Variants in MICAL3 observed in about 807,000 individuals in gnomAD.
MICAL3 encodes microtubule associated monooxygenase, calponin and LIM domain containing 3, also known as [F-actin]-monooxygenase MICAL3.
MICAL3 carries 62 observed loss-of-function variants against 207.4 expected under a neutral mutation model. That is an observed-to-expected ratio of 0.30 (90% CI 0.24 to 0.37). The LOEUF is 0.37. MICAL3 is among the 10% of genes least tolerant of loss of function. The pLI is 1.00. For synonymous variants in MICAL3, 1,077 were observed against 1,069.3 expected, an observed-to-expected ratio of 1.01 and a Z score of -0.14; for missense variants, 2,368 against 2,635.6, an observed-to-expected ratio of 0.90 and a Z score of 2.22.
At chr22:17,879,329 G>T in intron 16 of MICAL3, 1 of 1,601,940 alleles carries the variant, frequency 6.2e-7, no homozygotes, top group Non-Finnish European at 8.5e-7. Flanking sequence ...CCATGCCACG[G>T]GTTCATGCTC....
chr22:17,856,294 G>A (rs964764432), intron 19 of MICAL3, among the ~76,000 whole-genome samples: 2 of 152,220 alleles, frequency 1.3e-5, no homozygotes, highest in Non-Finnish European at 2.9e-5. Flanking sequence ...GCAGAGAAGA[G>A]GGCTTTCTTG....
At chr22:17,925,824 A>C (rs1043193844) in intron 1 of MICAL3, among the ~76,000 whole-genome samples, 1 of 152,190 alleles carries the variant, frequency 6.6e-6, no homozygotes, top group Non-Finnish European at 1.5e-5. Flanking sequence ...ACCACAGCCA[A>C]GGCATCAAAC....
At chr22:17,811,920 A>G (rs1219263839) in intron 27 of MICAL3, among the ~76,000 whole-genome samples, 2 of 151,150 alleles carry the variant, frequency 1.3e-5, no homozygotes, top group African/African-American at 2.4e-5. Context: ...AATTAAAACA[A>G]TTTTTTTTTG....
At chr22:17,824,108 A>G (rs539874908) in intron 22 of MICAL3, among the ~76,000 whole-genome samples, 92 of 151,818 alleles carry the variant, frequency 6.1e-4, no homozygotes, top group African/African-American at 2.2e-3. Flanking sequence ...CACCTCCCAC[A>G]CTCCGAACTT....
rs1413575503 is a variant in MICAL3 at position 17,796,570 on chromosome 22, C to T, written c.5651-5269G>A. ...CTTCTTGCCCACTCTGAACTCAGAG[C>T]TTTCCCTCTTCAACACAGGCTCCAG... On this transcript the variant is annotated intron_variant, in intron 29 of 31. Coordinates refer to ENST00000441493, the MANE Select transcript of MICAL3 (RefSeq NM_015241.3). This position sits in a 1 kb window ranked among gnomAD's most constrained non-coding sequence, Gnocchi z 4.4. Among the ~76,000 whole-genome samples, 3 of 152,260 alleles carry T rather than the reference C, an allele frequency of 2.0e-5. No individual in the cohort carries two copies. The highest frequency in any genetic ancestry group is 6.5e-5 in the Admixed American group (1 of 15,286).
intron 1 of MICAL3, among the ~76,000 whole-genome samples, chr22:17,961,891 T>C (rs7286607): frequency 0.2 from 30,423 of 152,148 alleles, 3,197 homozygotes; most frequent in Middle Eastern, 0.27. Flanking sequence ...AATGGGCAAG[T>C]GGCGGGGCTG....
At chr22:17,960,510 G>A (rs1934857395) in intron 1 of MICAL3, among the ~76,000 whole-genome samples, 1 of 152,158 alleles carries the variant, frequency 6.6e-6, no homozygotes, top group South Asian at 2.1e-4. Context: ...CCAGCATATG[G>A]GAAGGAAACA....
intron 11 of MICAL3, among the ~76,000 whole-genome samples, chr22:17,891,920 C>T (rs764023862): frequency 2.0e-5 from 3 of 152,208 alleles, no homozygotes; most frequent in Non-Finnish European, 4.4e-5. Context: ...CCTGCTGTCC[C>T]CACGGCACTG....
At chr22:17,863,222 T>C (rs1363483462) in intron 19 of MICAL3, 7 of 985,312 alleles carry the variant, frequency 7.1e-6, no homozygotes, top group Non-Finnish European at 8.4e-6. Flanking sequence ...TAAACTTCAC[T>C]GTGTTTAATT....
At chr22:17,825,032 C>T (rs978511780) in intron 22 of MICAL3, among the ~76,000 whole-genome samples, 1 of 152,164 alleles carries the variant, frequency 6.6e-6, no homozygotes, top group African/African-American at 2.4e-5. Context: ...GGCAACTCTA[C>T]ACTCTTGCTG....
At chr22:17,877,659 C>T in intron 16 of MICAL3, among the ~76,000 whole-genome samples, 1 of 151,820 alleles carries the variant, frequency 6.6e-6, no homozygotes, top group Non-Finnish European at 1.5e-5. Context: ...CAAAAGTATC[C>T]AGCCTGGAGC....
At chr22:17,948,134 C>A (rs149601895) in intron 1 of MICAL3, among the ~76,000 whole-genome samples, 6 of 152,328 alleles carry the variant, frequency 3.9e-5, no homozygotes, top group African/African-American at 1.4e-4. Context: ...CCCATCCCTG[C>A]CACTGGAAAA....
chr22:17,927,594 G>A (rs1932981209), intron 1 of MICAL3, among the ~76,000 whole-genome samples: 1 of 152,008 alleles, frequency 6.6e-6, no homozygotes, highest in Non-Finnish European at 1.5e-5. Flanking sequence ...CCTGTACTCA[G>A]CCCCCGACAT....
At chr22:17,941,387 C>A (rs1876712857) in intron 1 of MICAL3, among the ~76,000 whole-genome samples, 1 of 152,192 alleles carries the variant, frequency 6.6e-6, no homozygotes, top group South Asian at 2.1e-4. Context: ...TGAGCACATC[C>A]CCATTCTCAG....
intron 1 of MICAL3, among the ~76,000 whole-genome samples, chr22:17,972,349 GTGGTGACAACGGGTT>G (rs1013435283): frequency 6.6e-6 from 1 of 152,206 alleles, no homozygotes; most frequent in African/African-American, 2.4e-5. Flanking sequence ...CCCAGGTAAG[GTGGTGACAACGGGTT>G]TCCCAAAGAG....
chr22:17,891,388 C>A (rs1312946727), intron 12 of MICAL3, 97 bp downstream of exon 12: 3 of 1,104,778 alleles, frequency 2.7e-6, no homozygotes, highest in African/African-American at 1.5e-5. Context: ...TTACTATGTA[C>A]CTCATTCTAG....
At chr22:17,805,114 C>T (rs758749550) in intron 29 of MICAL3, among the ~76,000 whole-genome samples, 1 of 152,176 alleles carries the variant, frequency 6.6e-6, no homozygotes, top group Non-Finnish European at 1.5e-5. Context: ...CTGGAGACCC[C>T]CAAGTGAGAT....
chr22:17,844,126 G>T (rs551930595), intron 19 of MICAL3, among the ~76,000 whole-genome samples: 3 of 152,196 alleles, frequency 2.0e-5, no homozygotes, highest in African/African-American at 4.8e-5. Context: ...GATTACAAGC[G>T]GGAGCCACCA....
intron 1 of MICAL3, among the ~76,000 whole-genome samples, chr22:17,991,531 C>T (rs368585330): frequency 2.6e-5 from 4 of 152,104 alleles, no homozygotes; most frequent in African/African-American, 9.7e-5. Context: ...TGAACCCTTC[C>T]CCTGGGCTGG....
Sources: gnomAD v4.1 joint callset for allele counts (sites outside exome capture counted in the v4.1 genomes callset) on GRCh38, gnomAD v4.1.1 for gene constraint, Gnocchi (gnomAD v3.1) non-coding constraint, MANE v1.5 for transcripts, NCBI Gene and HGNC (gene_info 2026-07-23, HGNC 2026-07-21) for gene names.